The following PAK5 variants were observed in gnomAD, a reference collection of about 807,000 sequenced individuals.
PAK5 encodes the protein serine/threonine-protein kinase PAK 5.
In PAK5, 16 loss-of-function variants were observed where a neutral mutation model predicts 65.9. The ratio of observed to expected loss-of-function variants is 0.24; its 90% CI spans 0.16 to 0.37. The LOEUF (loss-of-function observed/expected upper bound fraction) is 0.37, where lower values mean the gene tolerates loss of function less well. Among genes scored for constraint, PAK5 ranks in the 10% least tolerant of loss-of-function variants. PAK5 has a pLI of 1.00. For missense variants in PAK5, 785 were observed against 903.9 expected, an observed-to-expected ratio of 0.87 and a Z score of 1.69; for synonymous variants, 371 against 354.9, an observed-to-expected ratio of 1.05 and a Z score of -0.51.
At chr20:9,608,406 A>G (rs1177026767) in intron 3 of PAK5, among the ~76,000 whole-genome samples, 2 of 152,238 alleles carry the variant, frequency 1.3e-5, no homozygotes, top group Non-Finnish European at 2.9e-5. Flanking sequence ...TGCCTTAGCC[A>G]AGAGGACTCC....
At chr20:9,600,107 TC>T (rs1229555416) in intron 3 of PAK5, among the ~76,000 whole-genome samples, 3 of 152,226 alleles carry the variant, frequency 2.0e-5, no homozygotes, top group African/African-American at 7.2e-5. Context: ...GAAAAGATTA[TC>T]CTTTCTCCAT....
At chr20:9,753,609 A>C (rs2048600881) in intron 1 of PAK5, among the ~76,000 whole-genome samples, 1 of 152,174 alleles carries the variant, frequency 6.6e-6, no homozygotes, top group African/African-American at 2.4e-5. Flanking sequence ...ACAATCACTC[A>C]TACTCATATC....
intron 3 of PAK5, among the ~76,000 whole-genome samples, chr20:9,604,865 C>A (rs2046423439): frequency 6.6e-6 from 1 of 152,158 alleles, no homozygotes; most frequent in African/African-American, 2.4e-5. Context: ...TTGTACAACT[C>A]CTCACTGGGG....
Position 9,639,536 on chromosome 20 carries a change from T to C in PAK5, c.204+4589A>G, listed in dbSNP as rs572944436. Among the ~76,000 whole-genome samples the C allele has an allele frequency of 8.6e-4, 131 of 152,342 alleles. 1 individual carries two copies. The highest frequency in any genetic ancestry group is 3.1e-3 in the African/African-American group (129 of 41,570). On this transcript the variant is annotated intron_variant, in intron 3 of 9. Coordinates refer to ENST00000353224, the MANE Select transcript of PAK5 (RefSeq NM_177990.4). ...CTTGTCTGTTTTTATTTTATTTTTTTCCCTCAGCGGCACAATTGTGCCTCA... is the reference window on the plus strand; with the variant it reads ...CTTGTCTGTTTTTATTTTATTTTTTCCCCTCAGCGGCACAATTGTGCCTCA...
intron 1 of PAK5, among the ~76,000 whole-genome samples, chr20:9,727,975 T>C (rs2048294813): frequency 6.6e-6 from 1 of 152,270 alleles, no homozygotes; most frequent in African/African-American, 2.4e-5. Flanking sequence ...GAATGGTGTT[T>C]AGAAACCACC....
At chr20:9,685,345 T>C (rs755302335) in intron 2 of PAK5, among the ~76,000 whole-genome samples, 1 of 152,176 alleles carries the variant, frequency 6.6e-6, no homozygotes, top group Non-Finnish European at 1.5e-5. Context: ...ATTATAGATG[T>C]AATTAGTTTA....
intron 4 of PAK5, among the ~76,000 whole-genome samples, chr20:9,579,135 G>T (rs1487384703): frequency 6.6e-6 from 1 of 152,070 alleles, no homozygotes; most frequent in East Asian, 1.9e-4. Flanking sequence ...GGCAGGCTTG[G>T]GTTCCAGAGT....
chr20:9,784,977 A>G (rs941958266), intron 1 of PAK5, among the ~76,000 whole-genome samples: 20 of 152,188 alleles, frequency 1.3e-4, no homozygotes, highest in Admixed American at 3.3e-4. Flanking sequence ...TTATTTTAAT[A>G]TAGTACCTCC....
chr20:9,786,925 T>C (rs1320509798), intron 1 of PAK5, among the ~76,000 whole-genome samples: 1 of 152,166 alleles, frequency 6.6e-6, no homozygotes, highest in Non-Finnish European at 1.5e-5. Context: ...TTAAACTGCA[T>C]TGCACTGTGG....
At chr20:9,683,275 C>G (rs1241518253) in intron 2 of PAK5, among the ~76,000 whole-genome samples, 1 of 152,204 alleles carries the variant, frequency 6.6e-6, no homozygotes, top group Non-Finnish European at 1.5e-5. Flanking sequence ...AATTATATTT[C>G]TACATAGAGT....
intron 1 of PAK5, among the ~76,000 whole-genome samples, chr20:9,735,779 T>G (rs1269575437): frequency 6.6e-6 from 1 of 151,950 alleles, no homozygotes; most frequent in Non-Finnish European, 1.5e-5. Context: ...TCCCAGCACT[T>G]TGGGAGGCTG....
chr20:9,691,550 C>T (rs1432661166), intron 2 of PAK5, among the ~76,000 whole-genome samples: 1 of 152,144 alleles, frequency 6.6e-6, no homozygotes, highest in African/African-American at 2.4e-5. Flanking sequence ...CAGATAGGCT[C>T]TTTTGCATAG....
intron 1 of PAK5, among the ~76,000 whole-genome samples, chr20:9,728,911 T>G (rs933887638): frequency 2.0e-5 from 3 of 152,190 alleles, no homozygotes; most frequent in Admixed American, 6.5e-5. Context: ...TACTACAAAA[T>G]AATGCCAATT....
chr20:9,578,443 T>C (rs941884860), intron 4 of PAK5, among the ~76,000 whole-genome samples: 4 of 152,168 alleles, frequency 2.6e-5, no homozygotes, highest in African/African-American at 9.7e-5. Flanking sequence ...CCAATATTCA[T>C]TTCCAACATC....
At chr20:9,718,773 T>C (rs904665658) in intron 1 of PAK5, among the ~76,000 whole-genome samples, 1 of 152,226 alleles carries the variant, frequency 6.6e-6, no homozygotes, top group Non-Finnish European at 1.5e-5. Flanking sequence ...TATGTCTTCA[T>C]CACTCTGCCA....
At chr20:9,837,853 C>G (rs1391494099) in intron 1 of PAK5, among the ~76,000 whole-genome samples, 8 of 152,162 alleles carry the variant, frequency 5.3e-5, no homozygotes, top group Admixed American at 2.0e-4. Flanking sequence ...GCCAACTTTT[C>G]TTTTTGTTTA....
intron 1 of PAK5, among the ~76,000 whole-genome samples, chr20:9,739,901 C>T (rs1011930440): frequency 4.6e-5 from 7 of 152,100 alleles, no homozygotes; most frequent in Admixed American, 2.0e-4. Context: ...ACTTGGACAT[C>T]GACCCATGAA....
chr20:9,787,758 C>A (rs765069953), intron 1 of PAK5, among the ~76,000 whole-genome samples: 2 of 151,698 alleles, frequency 1.3e-5, no homozygotes, highest in African/African-American at 2.4e-5. Flanking sequence ...AATAGATATG[C>A]AGTAGACACC....
At chr20:9,587,448 A>G (rs2123048285) in intron 3 of PAK5, among the ~76,000 whole-genome samples, 1 of 152,338 alleles carries the variant, frequency 6.6e-6, no homozygotes, top group South Asian at 2.1e-4. Flanking sequence ...TAAAAACGTA[A>G]TGTATGAGTC....
Sources: allele counts gnomAD v4.1 joint callset (sites outside exome capture counted in the v4.1 genomes callset), GRCh38; gene constraint gnomAD v4.1.1; transcripts MANE v1.5; gene names NCBI Gene and HGNC (gene_info 2026-07-23, HGNC 2026-07-21).